KCNH7: variants seen among roughly 807,000 people sequenced by gnomAD.
The protein encoded by KCNH7 is voltage-gated inwardly rectifying potassium channel KCNH7.
In KCNH7, 49 loss-of-function variants were observed where a neutral mutation model predicts 120.8. The observed-to-expected ratio is 0.41, with a 90% CI of 0.32 to 0.51. The LOEUF (loss-of-function observed/expected upper bound fraction) is 0.51. Among genes scored for constraint, KCNH7 ranks in the 20% least tolerant of loss-of-function variants. KCNH7 has a pLI of 0.38. For missense variants in KCNH7, 1,097 were observed against 1,446.6 expected (o/e 0.76, Z 3.92); for synonymous variants, 547 against 516.1 (o/e 1.06, Z -0.81).
chr2:162,786,191 C>T (rs981333291), intron 2 of KCNH7, among the ~76,000 whole-genome samples: 27 of 147,530 alleles, frequency 1.8e-4, no homozygotes, highest in African/African-American at 6.1e-4. Flanking sequence ...TGCAGTGAGC[C>T]GAGATCACAC....
At chr2:162,416,571 A>G (rs1687547633) in intron 9 of KCNH7, among the ~76,000 whole-genome samples, 2 of 152,066 alleles carry the variant, frequency 1.3e-5, no homozygotes, top group African/African-American at 4.8e-5. Flanking sequence ...GAGAGTGAGT[A>G]TTTGGCTTAT....
intron 7 of KCNH7, among the ~76,000 whole-genome samples, chr2:162,443,950 T>C (rs1688502009): frequency 6.6e-6 from 1 of 152,200 alleles, no homozygotes; most frequent in Admixed American, 6.5e-5. Context: ...TTCACTAGTG[T>C]TTCCTTCTGT....
chr2:162,729,126 C>T (rs1241584219), intron 2 of KCNH7, among the ~76,000 whole-genome samples: 1 of 150,658 alleles, frequency 6.6e-6, no homozygotes, highest in African/African-American at 2.4e-5. Flanking sequence ...ACTGTTTCAT[C>T]GATCTATATG....
At chr2:162,629,055 A>T (rs1683664522) in intron 2 of KCNH7, among the ~76,000 whole-genome samples, 3 of 152,046 alleles carry the variant, frequency 2.0e-5, no homozygotes, top group Admixed American at 2.0e-4. Flanking sequence ...ATCACCACAT[A>T]CACACAAGTT....
chr2:162,395,882 T>G (rs1405647899), intron 11 of KCNH7, among the ~76,000 whole-genome samples: 1 of 151,616 alleles, frequency 6.6e-6, no homozygotes, highest in Non-Finnish European at 1.5e-5. Context: ...GACTTTAGGG[T>G]TTTTTTCCCC....
At chr2:162,651,421 GTTCTCATCA>G (rs1349939476) in intron 2 of KCNH7, among the ~76,000 whole-genome samples, 1 of 151,910 alleles carries the variant, frequency 6.6e-6, no homozygotes, top group African/African-American at 2.4e-5. Context: ...GTGTTCCTGA[GTTCTCATCA>G]TTTAGCTCCC....
intron 6 of KCNH7, among the ~76,000 whole-genome samples, chr2:162,454,904 C>G (rs1688905795): frequency 6.6e-6 from 1 of 152,056 alleles, no homozygotes; most frequent in Non-Finnish European, 1.5e-5. Flanking sequence ...CTGACTTCCT[C>G]TATTCCTATT....
intron 7 of KCNH7, among the ~76,000 whole-genome samples, chr2:162,442,910 CTTAA>C (rs1327759060): frequency 5.3e-5 from 8 of 152,134 alleles, no homozygotes; most frequent in African/African-American, 1.9e-4. Flanking sequence ...GAAAATCACT[CTTAA>C]TTTGTTTATT....
At chr2:162,788,950 T>C (rs1373256409) in intron 2 of KCNH7, among the ~76,000 whole-genome samples, 2 of 138,610 alleles carry the variant, frequency 1.4e-5, no homozygotes, top group Non-Finnish European at 3.0e-5. Flanking sequence ...GAAACCTTGA[T>C]GCCAGAAGAT....
At chr2:162,647,512 G>A (rs1264727406) in intron 2 of KCNH7, among the ~76,000 whole-genome samples, 1 of 152,118 alleles carries the variant, frequency 6.6e-6, no homozygotes, top group East Asian at 1.9e-4. Flanking sequence ...ATTGTAATAA[G>A]CCCCACATGT....
intron 2 of KCNH7, among the ~76,000 whole-genome samples, chr2:162,561,122 G>C (rs563098528): frequency 6.6e-6 from 1 of 151,122 alleles, no homozygotes; most frequent in South Asian, 2.1e-4. Flanking sequence ...GAAAAATTTT[G>C]CTCAGTAGAT....
intron 6 of KCNH7, among the ~76,000 whole-genome samples, chr2:162,492,219 T>G (rs886252271): frequency 2.0e-4 from 31 of 152,202 alleles, no homozygotes; most frequent in Non-Finnish European, 1.5e-5. Context: ...GCCAATCTGG[T>G]GCACTTTGTG....
chr2:162,765,458 G>A (rs914291176), intron 2 of KCNH7, among the ~76,000 whole-genome samples: 2 of 152,130 alleles, frequency 1.3e-5, no homozygotes, highest in African/African-American at 2.4e-5. Context: ...TCAATTCTGT[G>A]GGGCTTCTAA....
chr2:162,460,167 C>G (rs910556435), intron 6 of KCNH7, among the ~76,000 whole-genome samples: 1 of 151,438 alleles, frequency 6.6e-6, no homozygotes, highest in African/African-American at 2.4e-5. Context: ...CTCCTTTGGC[C>G]TAGGTGGGTG....
chr2:162,578,987 G>GA (rs1399565686), intron 2 of KCNH7, among the ~76,000 whole-genome samples: 1 of 151,580 alleles, frequency 6.6e-6, no homozygotes, highest in African/African-American at 2.4e-5. Context: ...CGCATCTACT[G>GA]AAACGCCTAC....
intron 2 of KCNH7, among the ~76,000 whole-genome samples, chr2:162,689,795 A>G (rs890812421): frequency 2.0e-5 from 3 of 152,146 alleles, no homozygotes; most frequent in African/African-American, 7.2e-5. Context: ...ATATATTTTT[A>G]ACATTCCAGT....
At chr2:162,807,564 A>G (rs1214157755) in intron 2 of KCNH7, among the ~76,000 whole-genome samples, 2 of 152,174 alleles carry the variant, frequency 1.3e-5, no homozygotes, top group African/African-American at 4.8e-5. Flanking sequence ...ACAGTCTAAC[A>G]TCCCTCTGCA....
intron 2 of KCNH7, among the ~76,000 whole-genome samples, chr2:162,639,513 C>A (rs930397266): frequency 1.3e-5 from 2 of 151,940 alleles, no homozygotes; most frequent in African/African-American, 4.8e-5. Flanking sequence ...ATACAAGTAG[C>A]ACATTAGAAG....
chr2:162,685,154 C>G (rs917348543), intron 2 of KCNH7, among the ~76,000 whole-genome samples: 15 of 151,864 alleles, frequency 9.9e-5, no homozygotes, highest in Non-Finnish European at 1.8e-4. Context: ...AATGAGAACA[C>G]ATGGACACAG....
Sources: gnomAD v4.1 joint callset for allele counts (sites outside exome capture counted in the v4.1 genomes callset) on GRCh38, gnomAD v4.1.1 for gene constraint, MANE v1.5 for transcripts, NCBI Gene and HGNC (gene_info 2026-07-23, HGNC 2026-07-21) for gene names.